Variants in ST8SIA2 observed in about 807,000 individuals in gnomAD.
ST8SIA2 encodes ST8 alpha-N-acetyl-neuraminide alpha-2,8-sialyltransferase 2.
Under a neutral mutation model 37.6 loss-of-function variants are expected in ST8SIA2, and 22 were observed. The ratio of observed to expected loss-of-function variants is 0.58; its 90% confidence interval spans 0.42 to 0.83. ST8SIA2 has a LOEUF of 0.83. ST8SIA2 is among the 40% of genes least tolerant of loss of function. The pLI is 0.00. For synonymous variants in ST8SIA2, 205 were observed against 201.2 expected, an observed-to-expected ratio of 1.02 and a Z score of -0.16; for missense variants, 382 against 484.7, an observed-to-expected ratio of 0.79 and a Z score of 1.99.
chr15:92,410,644 C>G (rs572126359), intron 1 of ST8SIA2, among the ~76,000 whole-genome samples: 1 of 152,354 alleles, frequency 6.6e-6, no homozygotes, highest in African/African-American at 2.4e-5. Context: ...CTTCACTTAA[C>G]TATGAGGAAA....
intron 1 of ST8SIA2, among the ~76,000 whole-genome samples, chr15:92,413,355 C>CA (rs2049563727): frequency 6.6e-6 from 1 of 152,212 alleles, no homozygotes; most frequent in Non-Finnish European, 1.5e-5. Context: ...TTACTCTTCA[C>CA]AGTTCACCCT....
At chr15:92,449,139 C>A (rs2049863976) in intron 5 of ST8SIA2, among the ~76,000 whole-genome samples, 1 of 152,154 alleles carries the variant, frequency 6.6e-6, no homozygotes, top group South Asian at 2.1e-4. Flanking sequence ...TAGTACCCAA[C>A]AGTTTTTCAA....
At chr15:92,456,327 G>A (rs1178977434) in intron 5 of ST8SIA2, among the ~76,000 whole-genome samples, 1 of 142,646 alleles carries the variant, frequency 7.0e-6, no homozygotes, top group Admixed American at 7.4e-5. Flanking sequence ...TATCTCTCCT[G>A]ATAATGTCCC....
chr15:92,420,227 T>A (rs2049623121), intron 1 of ST8SIA2, among the ~76,000 whole-genome samples: 1 of 152,232 alleles, frequency 6.6e-6, no homozygotes, highest in African/African-American at 2.4e-5. Context: ...GGACGAGTCC[T>A]GCTTCAGTTG....
chr15:92,437,270 T>G (rs1195861198), intron 3 of ST8SIA2, among the ~76,000 whole-genome samples: 1 of 152,204 alleles, frequency 6.6e-6, no homozygotes, highest in African/African-American at 2.4e-5. Flanking sequence ...ACTGGAATCA[T>G]TTCTTAAAAT....
intron 5 of ST8SIA2, among the ~76,000 whole-genome samples, chr15:92,451,188 T>A (rs1348528358): frequency 6.6e-6 from 1 of 152,200 alleles, no homozygotes; most frequent in Non-Finnish European, 1.5e-5. Context: ...GGAACTGAAC[T>A]GCATTCTCTC....
chr15:92,409,012 T>C (rs769015467), intron 1 of ST8SIA2, among the ~76,000 whole-genome samples: 21 of 152,138 alleles, frequency 1.4e-4, no homozygotes, highest in Non-Finnish European at 2.8e-4. Flanking sequence ...CTGAGTACCG[T>C]CTTATTTAGA....
chr15:92,404,935 C>T (rs951508831), intron 1 of ST8SIA2, among the ~76,000 whole-genome samples: 9 of 151,766 alleles, frequency 5.9e-5, no homozygotes, highest in African/African-American at 4.8e-5. Context: ...GGAAGCAACC[C>T]AGGTATCCGT....
intron 5 of ST8SIA2, among the ~76,000 whole-genome samples, chr15:92,455,652 A>G (rs1368996373): frequency 6.6e-6 from 1 of 152,240 alleles, no homozygotes; most frequent in East Asian, 1.9e-4. Flanking sequence ...TGTCTGGACC[A>G]TAATTTATGT....
At chr15:92,432,203 A>G (rs373928815) in intron 2 of ST8SIA2, among the ~76,000 whole-genome samples, 2 of 152,290 alleles carry the variant, frequency 1.3e-5, no homozygotes, top group East Asian at 1.9e-4. Context: ...TCTTAGTGCG[A>G]TAACTCCTCA....
At chr15:92,413,564 G>A (rs867283586) in intron 1 of ST8SIA2, among the ~76,000 whole-genome samples, 3 of 152,116 alleles carry the variant, frequency 2.0e-5, no homozygotes, top group East Asian at 1.9e-4. Flanking sequence ...TAGTTTCCGC[G>A]CATCCTCACT....
chr15:92,418,394 C>A (rs1470128465), intron 1 of ST8SIA2, among the ~76,000 whole-genome samples: 1 of 144,020 alleles, frequency 6.9e-6, no homozygotes, highest in East Asian at 2.1e-4. Flanking sequence ...CCCGGGAAGT[C>A]GAGGCTATGG....
chr15:92,448,440 A>G (rs1325524630), intron 5 of ST8SIA2, among the ~76,000 whole-genome samples: 1 of 152,228 alleles, frequency 6.6e-6, no homozygotes, highest in Admixed American at 6.5e-5. Context: ...GTACAAAGTC[A>G]CACGAGAAAA....
At chr15:92,434,139 C>T (rs887298257) in intron 2 of ST8SIA2, 108 bp from the exon 3 acceptor site, 7 of 1,535,782 alleles carry the variant, frequency 4.6e-6, no homozygotes, top group East Asian at 2.3e-5. Context: ...CAATTTTGCT[C>T]TTCTGGAGAA....
intron 5 of ST8SIA2, among the ~76,000 whole-genome samples, chr15:92,462,652 G>A (rs540321915): frequency 1.3e-5 from 2 of 152,332 alleles, no homozygotes; most frequent in African/African-American, 4.8e-5. Flanking sequence ...GATGTCAACA[G>A]AAACCATGCT....
At chr15:92,456,864 AAG>A (rs1159666226) in intron 5 of ST8SIA2, among the ~76,000 whole-genome samples, 2 of 152,226 alleles carry the variant, frequency 1.3e-5, no homozygotes. Context: ...TTACTTGAGC[AAG>A]AGTGTTGGCT....
At chr15:92,452,612 A>G (rs2049889632) in intron 5 of ST8SIA2, among the ~76,000 whole-genome samples, 1 of 152,238 alleles carries the variant, frequency 6.6e-6, no homozygotes, top group South Asian at 2.1e-4. Flanking sequence ...ATGGAGAAGT[A>G]GAACTGGAAG....
chr15:92,443,410 C>T (rs1317735992), intron 4 of ST8SIA2, among the ~76,000 whole-genome samples: 1 of 152,198 alleles, frequency 6.6e-6, no homozygotes, highest in Non-Finnish European at 1.5e-5. Context: ...ATAGCAGAGG[C>T]TGCTCACCCA....
At chr15:92,417,615 A>G (rs2049597165) in intron 1 of ST8SIA2, 1 of 152,218 alleles carries the variant, frequency 6.6e-6, no homozygotes, top group Non-Finnish European at 1.5e-5. Context: ...ACCATGTGAC[A>G]TGAATGAAAT....
Sources: allele counts gnomAD v4.1 joint callset (sites outside exome capture counted in the v4.1 genomes callset), GRCh38; gene constraint gnomAD v4.1.1; transcripts MANE v1.5; gene names NCBI Gene and HGNC (gene_info 2026-07-23, HGNC 2026-07-21).